ZC3H11A: variants seen among roughly 807,000 people sequenced by gnomAD.
The protein encoded by ZC3H11A is zinc finger CCCH-type containing 11A, also known as zinc finger CCCH domain-containing protein 11A.
ZC3H11A carries 22 observed loss-of-function variants against 90.8 expected under a neutral mutation model. The ratio of observed to expected loss-of-function variants is 0.24; its 90% CI spans 0.17 to 0.35. The LOEUF (loss-of-function observed/expected upper bound fraction) is 0.35. Ranked by LOEUF, ZC3H11A falls within the 10% of genes least tolerant of loss-of-function variation. The pLI is 1.00. For missense variants in ZC3H11A, 701 were observed against 964.9 expected, an observed-to-expected ratio of 0.73 and a Z score of 3.62; for synonymous variants, 294 against 339.8, an observed-to-expected ratio of 0.87 and a Z score of 1.48.
intron 15 of ZC3H11A, 40 bp from the exon 16 acceptor site, chr1:203,850,465 TTAAAAGAGTC>T: frequency 6.2e-7 from 1 of 1,602,606 alleles, no homozygotes; most frequent in Non-Finnish European, 8.5e-7. Context: ...TATTCCCCAT[TTAAAAGAGTC>T]TATTCTCACT....
chr1:203,847,412 A>G lies in ZC3H11A; in HGVS notation c.1271A>G (p.Lys424Arg). 1 of 1,613,990 alleles carries G rather than the reference A, an allele frequency of 6.2e-7. No individual in the cohort carries two copies. The highest frequency in any genetic ancestry group is 8.5e-7 in the Non-Finnish European group (1 of 1,179,870). ...KHRQQEAERQ[K>R]SKKDTTCIKL... ...CGGCAGCAGGAAGCAGAGAGACAAA[A>G]AAGCAAAAAGGATACAACTTGCATC... Residue 424 changes from lysine (K) to arginine (R), a missense_variant, in exon 13 of 18, where the codon AAA (lysine) becomes AGA (arginine). Coordinates refer to ENST00000367210, the MANE Select transcript of ZC3H11A (RefSeq NM_001376342.1).
rs549703039 is a variant in ZC3H11A, at chr1:203,850,318, A to G, written c.1940-197A>G. On this transcript the variant is annotated intron_variant, in intron 15 of 17. Coordinates refer to ENST00000367210, the MANE Select transcript of ZC3H11A (RefSeq NM_001376342.1). ...AGGAATGGTAACAAATTTAAGTGGT[A>G]TTGTATCTACATGGTGACCACCTGT... 1.9e-5 allele frequency: 14 copies of G among 745,832 alleles called. No homozygotes were observed. The South Asian group carries it at 2.3e-4, about 12-fold the overall frequency. The allele number at this position is 745,832 out of a possible 1,614,324, so 46.2% of individuals were successfully genotyped here. A position where few individuals can be genotyped will look rare whatever the true frequency, so the allele number is the denominator to read the frequency against.
intron 11 of ZC3H11A, 88 bp downstream of exon 11, chr1:203,838,152 T>C: frequency 8.2e-7 from 1 of 1,224,812 alleles, no homozygotes; most frequent in Non-Finnish European, 1.2e-6. Context: ...TTCATTCTTT[T>C]GTTCAGGTAA....
chr1:203,799,806 A>G, intron 1 of ZC3H11A: 1 of 1,352,736 alleles, frequency 7.4e-7, no homozygotes, highest in Non-Finnish European at 1.0e-6. Flanking sequence ...GCTTAAATCC[A>G]AGCCCTGTAT....
In ZC3H11A at chr1:203,795,715, CGGCCAAGCAA is replaced by C. The variant is rs1668165370; in HGVS notation, c.-1665_-1656del. 6.6e-6 allele frequency: 1 copy of C among 152,194 alleles called. No individual in the cohort carries two copies. The highest frequency in any genetic ancestry group is 1.5e-5 in the Non-Finnish European group (1 of 68,048). The allele number at this position is 152,194 out of a possible 1,614,324, so 9.4% of individuals were successfully genotyped here. On this transcript the variant is annotated 5_prime_UTR_variant, in exon 1 of 18. Coordinates refer to ENST00000367210, the MANE Select transcript of ZC3H11A (RefSeq NM_001376342.1). Reference sequence around the variant, plus strand: ...CTGCTGGGAGGACGACGGACGGCAGCGGCCAAGCAAGAAGAAAGACGTGGCAGCAAGCGGG... The same window carrying C: ...CTGCTGGGAGGACGACGGACGGCAGCGAAGAAAGACGTGGCAGCAAGCGGG...
intron 4 of ZC3H11A, among the ~76,000 whole-genome samples, chr1:203,822,510 A>T (rs909070539): frequency 6.6e-6 from 1 of 151,960 alleles, no homozygotes; most frequent in African/African-American, 2.4e-5. Flanking sequence ...CTCACATGTG[A>T]GATGCTGTCC....
chr1:203,803,637 G>T (rs1277692981), intron 2 of ZC3H11A, among the ~76,000 whole-genome samples: 1 of 152,074 alleles, frequency 6.6e-6, no homozygotes, highest in Non-Finnish European at 1.5e-5. Context: ...AGGGTCTTGT[G>T]CTCTGTCACT....
At chr1:203,833,618 G>GTTTTTTTTTTTTTTTTTTTTTTTTTTTTT (rs553171669) in intron 9 of ZC3H11A, among the ~76,000 whole-genome samples, 173 bp from the exon 10 acceptor site, 1 of 124,832 alleles carries the variant, frequency 8.0e-6, no homozygotes, top group Non-Finnish European at 1.7e-5. Context: ...ATAGGTTTGG[G>GTTTTTTTTTTTTTTTTTTTTTTTTTTTTT]TTTTTTTTTT....
chr1:203,845,576 C>T (rs935091923), intron 12 of ZC3H11A, among the ~76,000 whole-genome samples: 4 of 152,128 alleles, frequency 2.6e-5, no homozygotes, highest in African/African-American at 9.7e-5. Context: ...TCAGTTGAAA[C>T]TAACCAGGCC....
Position 203,799,613 on chromosome 1 carries a change from G to C in ZC3H11A, c.-1587-1962G>C. On this transcript the variant is annotated intron_variant, in intron 1 of 17. Coordinates refer to ENST00000367210, the MANE Select transcript of ZC3H11A (RefSeq NM_001376342.1). ...GTGATATTCTTAAGCCATTTGAGGA[G>C]GCTACCCAGAAAGTGAGCGTGAAGA... 6 of 703,178 alleles carry C rather than the reference G, an allele frequency of 8.5e-6. 1 individual carries two copies. In the South Asian group the frequency reaches 8.9e-5, roughly 10 times the overall value. The allele number at this position is 703,178 out of a possible 1,614,324, so 43.6% of individuals were successfully genotyped here.
At chr1:203,798,119 T>C in intron 1 of ZC3H11A, 1 of 1,536,174 alleles carries the variant, frequency 6.5e-7, no homozygotes, top group Non-Finnish European at 8.7e-7. Context: ...AGGAGGACTT[T>C]ACCTTGGATG....
intron 9 of ZC3H11A, among the ~76,000 whole-genome samples, chr1:203,833,220 T>C (rs557031201): frequency 1.3e-5 from 2 of 152,034 alleles, no homozygotes; most frequent in South Asian, 4.1e-4. Flanking sequence ...ATACAAAATT[T>C]AGCTGGGCAT....
At chr1:203,797,663 G>C in intron 1 of ZC3H11A, 1 of 1,535,958 alleles carries the variant, frequency 6.5e-7, no homozygotes, top group Non-Finnish European at 8.7e-7. Flanking sequence ...AGGAAAAGAT[G>C]GTAGCAGAAG....
chr1:203,831,788 T>A lies in ZC3H11A; in HGVS notation c.811+17T>A, dbSNP rs759913890. The A allele has an allele frequency of 1.3e-6, 2 of 1,590,192 alleles. No homozygotes were observed. The highest frequency in any genetic ancestry group is 1.1e-5 in the South Asian group (1 of 88,386). On this transcript the variant is annotated intron_variant, in intron 9 of 17. Coordinates refer to ENST00000367210, the MANE Select transcript of ZC3H11A (RefSeq NM_001376342.1). ...CCAAACAAGGTAAGGTATAGATAGG[T>A]CTTAGAGTTGTCAAGCCTCTACTTT...
In ZC3H11A at chr1:203,852,580, T is replaced by C; in HGVS notation, c.*181T>C. On this transcript the variant is annotated 3_prime_UTR_variant, in exon 18 of 18. Transcript: ENST00000367210. ...CTTGGGGTCAGATTTTTAAAGTTAC[T>C]TTATAACCATTTTGTCCATTTGATG... 1 of 667,824 alleles carries C rather than the reference T, an allele frequency of 1.5e-6. No homozygotes were observed. The highest frequency in any genetic ancestry group is 2.5e-6 in the Non-Finnish European group (1 of 403,800). The allele number at this position is 667,824 out of a possible 1,614,324, so 41.4% of individuals were successfully genotyped here.
At position 203,853,363 on chromosome 1, in the gene ZC3H11A, G is replaced by A. The variant is rs1334539091; in HGVS notation, c.*964G>A. On this transcript the variant is annotated 3_prime_UTR_variant, in exon 18 of 18. Coordinates refer to ENST00000367210, the MANE Select transcript of ZC3H11A (RefSeq NM_001376342.1). ...CAATATTTATCTATGGGCTGTAGCAGTACACTGAATTGTACTGTGCCAGGG... is the reference window on the plus strand; with the variant it reads ...CAATATTTATCTATGGGCTGTAGCAATACACTGAATTGTACTGTGCCAGGG... 2 of 152,688 alleles carry A rather than the reference G, an allele frequency of 1.3e-5. No homozygotes were observed. Among genetic ancestry groups the A allele is most frequent in the East Asian group, 3.9e-4 (2 of 5,184 alleles). The allele number at this position is 152,688 out of a possible 1,614,324, so 9.5% of individuals were successfully genotyped here.
chr1:203,814,862 ACT>A (rs1457160421), intron 2 of ZC3H11A: 1 of 152,024 alleles, frequency 6.6e-6, no homozygotes, highest in East Asian at 1.9e-4. Context: ...ATAGAGTCTC[ACT>A]CTGTTGTCCA....
chr1:203,819,303 C>T (rs1421251033), intron 4 of ZC3H11A, among the ~76,000 whole-genome samples: 3 of 150,120 alleles, frequency 2.0e-5, no homozygotes, highest in African/African-American at 7.4e-5. Flanking sequence ...CTTACTGCAA[C>T]CTCCACCTCC....
chr1:203,829,073 T>G (rs929871343), intron 5 of ZC3H11A, among the ~76,000 whole-genome samples: 1 of 152,266 alleles, frequency 6.6e-6, no homozygotes. Context: ...AGTAGACTTA[T>G]TCCTTTCTGG....
Sources: gnomAD v4.1 joint callset for allele counts (sites outside exome capture counted in the v4.1 genomes callset) on GRCh38, gnomAD v4.1.1 for gene constraint, MANE v1.5 for transcripts, NCBI Gene and HGNC (gene_info 2026-07-23, HGNC 2026-07-21) for gene names.